Variants in ITCH observed in about 807,000 individuals in gnomAD.
The protein encoded by ITCH is E3 ubiquitin-protein ligase Itchy homolog.
Under a neutral mutation model 126.8 loss-of-function variants are expected in ITCH, and 28 were observed. That is an observed-to-expected ratio of 0.22 (90% confidence interval 0.16 to 0.30). The LOEUF (loss-of-function observed/expected upper bound fraction) is 0.30. Ranked by LOEUF, ITCH falls within the 10% of genes least tolerant of loss-of-function variation. The pLI is 1.00. For missense variants in ITCH, 631 were observed against 1,032.4 expected (o/e 0.61, Z 5.33); for synonymous variants, 342 against 340.0 (o/e 1.01, Z -0.06).
At chr20:34,392,944 T>C (rs558409424) in intron 2 of ITCH, among the ~76,000 whole-genome samples, 8 of 152,096 alleles carry the variant, frequency 5.3e-5, no homozygotes, top group Non-Finnish European at 1.2e-4. Context: ...AATAAATAAG[T>C]AAATAAAGTT....
At chr20:34,434,516 G>C (rs972147834) in intron 7 of ITCH, among the ~76,000 whole-genome samples, 1 of 152,124 alleles carries the variant, frequency 6.6e-6, no homozygotes, top group African/African-American at 2.4e-5. Flanking sequence ...AAGATGTTGG[G>C]CAGTCCTAGA....
chr20:34,454,472 A>C (rs530872207), intron 12 of ITCH: 4 of 152,178 alleles, frequency 2.6e-5, no homozygotes, highest in African/African-American at 9.7e-5. Context: ...TGAGTTGGTG[A>C]TAAGCTTATG....
chr20:34,372,384 C>CTTTTTTTTTTT (rs779017298), intron 2 of ITCH, among the ~76,000 whole-genome samples: 17,954 of 91,284 alleles, frequency 0.2, 3,703 homozygotes, highest in Admixed American at 0.3. Flanking sequence ...TTAAGTTCTA[C>CTTTTTTTTTTT]TTTTTTTTTT....
In ITCH at chr20:34,488,931, C is replaced by T. The variant is rs989864762; in HGVS notation, c.2094-335C>T. 3.3e-5 allele frequency among the ~76,000 whole-genome samples: 5 copies of T among 152,144 alleles called. No individual in the cohort carries two copies. In the East Asian group the frequency reaches 5.8e-4, roughly 18 times the overall value. On this transcript the variant is annotated intron_variant, in intron 20 of 24. Transcript: ENST00000374864. Reference sequence around the variant, plus strand: ...TTGCACACCTATATTCCCAGCTACTCGGGAGGCCGAGGTAGGAGGATTGCT... The same window carrying T: ...TTGCACACCTATATTCCCAGCTACTTGGGAGGCCGAGGTAGGAGGATTGCT...
chr20:34,426,911 A>G (rs1307437703), intron 7 of ITCH, among the ~76,000 whole-genome samples: 1 of 151,844 alleles, frequency 6.6e-6, no homozygotes, highest in Admixed American at 6.6e-5. Context: ...AGTAGCTGGG[A>G]TTACAGGCAC....
At chr20:34,480,774 A>G in intron 19 of ITCH, 42 bp downstream of exon 19, 6 of 1,452,546 alleles carry the variant, frequency 4.1e-6, no homozygotes, top group Non-Finnish European at 5.8e-6. Context: ...ATATAGTTAT[A>G]TGCATTCCGT....
intron 14 of ITCH, among the ~76,000 whole-genome samples, chr20:34,464,296 CT>C (rs1335251611): frequency 0.021 from 2,849 of 137,772 alleles, 76 homozygotes; most frequent in African/African-American, 0.059. Flanking sequence ...CCTGTTTTTT[CT>C]TTTTTTTTTT....
At chr20:34,419,177 T>C (rs1980399252) in intron 6 of ITCH, among the ~76,000 whole-genome samples, 1 of 152,230 alleles carries the variant, frequency 6.6e-6, no homozygotes, top group Non-Finnish European at 1.5e-5. Flanking sequence ...TGAAGACTAC[T>C]GTGTTCTTCA....
At chr20:34,422,817 C>T (rs545517907) in intron 6 of ITCH, among the ~76,000 whole-genome samples, 42 of 151,004 alleles carry the variant, frequency 2.8e-4, no homozygotes, top group South Asian at 8.4e-4. Flanking sequence ...TTTTTTGAGA[C>T]GGAGTTTCAC....
intron 2 of ITCH, among the ~76,000 whole-genome samples, chr20:34,373,744 CACTT>C (rs1416365437): frequency 2.0e-5 from 3 of 152,084 alleles, no homozygotes; most frequent in African/African-American, 7.2e-5. Flanking sequence ...ACTATGTCGT[CACTT>C]ACAGGTTAAG....
chr20:34,426,078 A>G (rs1981477977), intron 7 of ITCH, among the ~76,000 whole-genome samples: 1 of 152,248 alleles, frequency 6.6e-6, no homozygotes, highest in South Asian at 2.1e-4. Context: ...AGCAGATAAA[A>G]TTAGGAAAGG....
rs564981704 is a variant in ITCH at position 34,366,395 on chromosome 20, T to A, written c.-98-2999T>A. ...TGCATTAGCATGCCTGGCTAATTTTTAAAATTTTTTTGTAGAGAAAGGTTC... is the reference window on the plus strand; with the variant it reads ...TGCATTAGCATGCCTGGCTAATTTTAAAAATTTTTTTGTAGAGAAAGGTTC... On this transcript the variant is annotated intron_variant, in intron 1 of 24. Transcript: ENST00000374864. 1.1e-3 allele frequency among the ~76,000 whole-genome samples: 172 copies of A among 152,198 alleles called. 1 individual carries two copies. Among genetic ancestry groups the A allele is most frequent in the African/African-American group, 3.8e-3 (159 of 41,532 alleles).
intron 2 of ITCH, among the ~76,000 whole-genome samples, chr20:34,383,017 C>T (rs1312157703): frequency 1.3e-5 from 2 of 151,980 alleles, no homozygotes; most frequent in African/African-American, 4.8e-5. Context: ...GCTGATATTA[C>T]AGCCATGAGC....
At chr20:34,454,817 GTTTTTTTTTTTTTTTTTT>G (rs200486269) in intron 12 of ITCH, among the ~76,000 whole-genome samples, 4 of 109,534 alleles carry the variant, frequency 3.7e-5, no homozygotes, top group Non-Finnish European at 3.6e-5. Flanking sequence ...TTCTTTTCCT[GTTTTTTTTTTTTTTTTTT>G]TTTTTTTTTT....
At chr20:34,365,559 C>T (rs1466797843) in intron 1 of ITCH, among the ~76,000 whole-genome samples, 2 of 152,016 alleles carry the variant, frequency 1.3e-5, no homozygotes, top group Admixed American at 6.6e-5. Flanking sequence ...GGACTACAGG[C>T]GCGTGCCACC....
At chr20:34,425,433 G>A (rs1981377194) in intron 7 of ITCH, among the ~76,000 whole-genome samples, 1 of 152,160 alleles carries the variant, frequency 6.6e-6, no homozygotes, top group Non-Finnish European at 1.5e-5. Flanking sequence ...GGTCTGTGCT[G>A]AGGAGGAGTA....
Position 34,412,577 on chromosome 20 carries a change from ATGT to A in ITCH, c.277_279del (p.Val93del). ...TGGAGTCACCAGACACTGAAATCTG[ATGT>A]TTTGTTGGGAACTGCTGCATTAGAT... On this transcript the variant is annotated inframe_deletion, in exon 5 of 25. Coordinates refer to ENST00000374864, the MANE Select transcript of ITCH (RefSeq NM_031483.7). 1 of 1,604,054 alleles carries A rather than the reference ATGT, an allele frequency of 6.2e-7. No individual in the cohort carries two copies. Among genetic ancestry groups the A allele is most frequent in the Non-Finnish European group, 8.5e-7 (1 of 1,170,978 alleles).
chr20:34,495,129 G>A (rs1989775911), intron 23 of ITCH, among the ~76,000 whole-genome samples: 1 of 150,298 alleles, frequency 6.7e-6, no homozygotes, highest in Non-Finnish European at 1.5e-5. Context: ...GCCAGGTGAG[G>A]TGGTGGGAGC....
chr20:34,454,787 T>C (rs1480719497), intron 12 of ITCH, among the ~76,000 whole-genome samples: 1 of 150,606 alleles, frequency 6.6e-6, no homozygotes, highest in Non-Finnish European at 1.5e-5. Context: ...ATTTGAAAAA[T>C]AGTTACCAAT....
Sources: gnomAD v4.1 joint callset for allele counts (sites outside exome capture counted in the v4.1 genomes callset) on GRCh38, gnomAD v4.1.1 for gene constraint, MANE v1.5 for transcripts, NCBI Gene and HGNC (gene_info 2026-07-23, HGNC 2026-07-21) for gene names.